Variants in GSN observed in about 807,000 individuals in gnomAD.
GSN encodes actin-depolymerizing factor.
In GSN, 56 loss-of-function variants were observed where a neutral mutation model predicts 85.7. The observed-to-expected ratio is 0.65, with a 90% confidence interval of 0.53 to 0.82. The LOEUF is 0.82. Among genes scored for constraint, GSN ranks in the 40% least tolerant of loss-of-function variants. GSN has a pLI of 0.00. For synonymous variants in GSN, 373 were observed against 399.1 expected (o/e 0.93, Z 0.78); for missense variants, 857 against 979.8 (o/e 0.87, Z 1.67).
At chr9:121,325,427 A>G (rs2063037666) in intron 12 of GSN, among the ~76,000 whole-genome samples, 1 of 152,066 alleles carries the variant, frequency 6.6e-6, no homozygotes, top group African/African-American at 2.4e-5. Flanking sequence ...AGCAAGGGGA[A>G]AATGCCATGA....
intron 2 of GSN, 151 bp downstream of exon 2, chr9:121,281,713 G>A (rs1472347664): frequency 6.4e-6 from 3 of 471,138 alleles, no homozygotes; most frequent in African/African-American, 2.0e-5. Flanking sequence ...AAGGCTCAGA[G>A]TGCGTCTCTG....
At chr9:121,279,181 C>T (rs933271296) in intron 1 of GSN, among the ~76,000 whole-genome samples, 3 of 152,158 alleles carry the variant, frequency 2.0e-5, no homozygotes, top group Admixed American at 6.5e-5. Flanking sequence ...GCCATTGCAT[C>T]TGGCTGGAGC....
intron 6 of GSN, among the ~76,000 whole-genome samples, chr9:121,248,767 A>C (rs1047456571): frequency 1.3e-5 from 2 of 151,420 alleles, no homozygotes; most frequent in Non-Finnish European, 2.9e-5. Context: ...TAGAAGACAC[A>C]CAAACATAGA....
At chr9:121,240,456 C>A (rs1280337377) in intron 5 of GSN, among the ~76,000 whole-genome samples, 1 of 152,204 alleles carries the variant, frequency 6.6e-6, no homozygotes, top group Non-Finnish European at 1.5e-5. Context: ...TGGGTGGCTC[C>A]TGGAACCAAA....
chr9:121,291,416 CT>C (rs10615868), intron 2 of GSN, among the ~76,000 whole-genome samples: 2,074 of 103,586 alleles, frequency 0.02, 38 homozygotes, highest in African/African-American at 0.071. Flanking sequence ...CCCCACTGGA[CT>C]TTTTTTTTTT....
chr9:121,215,305 AAGGTACC>A (rs1418936828), intron 4 of GSN, among the ~76,000 whole-genome samples: 2 of 151,604 alleles, frequency 1.3e-5, no homozygotes, highest in African/African-American at 4.8e-5. Context: ...ATCAGATTCA[AAGGTACC>A]AGGGGTTAGA....
chr9:121,305,595 A>G (rs964449465), intron 4 of GSN, among the ~76,000 whole-genome samples: 1 of 152,198 alleles, frequency 6.6e-6, no homozygotes, highest in Admixed American at 6.5e-5. Flanking sequence ...AGGCTCCCTG[A>G]TCTTTGATCC....
At chr9:121,247,340 T>G (rs1178476128) in intron 5 of GSN, among the ~76,000 whole-genome samples, 1 of 152,218 alleles carries the variant, frequency 6.6e-6, no homozygotes, top group Non-Finnish European at 1.5e-5. Context: ...CACTGCTGTC[T>G]GGCATTTGTC....
intron 3 of GSN, 85 bp downstream of exon 3, chr9:121,302,252 T>C: frequency 2.8e-6 from 4 of 1,443,644 alleles, no homozygotes; most frequent in Non-Finnish European, 2.9e-6. Context: ...GGGAGGGAAC[T>C]GATTATTGAG....
intron 5 of GSN, among the ~76,000 whole-genome samples, chr9:121,231,810 T>TA: frequency 6.6e-6 from 1 of 152,170 alleles, no homozygotes; most frequent in East Asian, 1.9e-4. Flanking sequence ...CCAGGTGCAG[T>TA]AGCTCACACC....
At chr9:121,275,450 G>A (rs2056550743) in intron 1 of GSN, among the ~76,000 whole-genome samples, 1 of 152,208 alleles carries the variant, frequency 6.6e-6, no homozygotes, top group African/African-American at 2.4e-5. Flanking sequence ...AAGGAAGCAG[G>A]TAGGGACAGA....
At chr9:121,314,463 AC>A (rs1244695224) in intron 7 of GSN, among the ~76,000 whole-genome samples, 1 of 152,202 alleles carries the variant, frequency 6.6e-6, no homozygotes, top group African/African-American at 2.4e-5. Flanking sequence ...TGTGATTTTC[AC>A]AACTGAATTC....
chr9:121,331,248 C>G (rs539951630), intron 16 of GSN, 140 bp from the exon 17 acceptor site: 231 of 664,320 alleles, frequency 3.5e-4, no homozygotes, highest in Non-Finnish European at 5.3e-4. Context: ...GTTCCAAATC[C>G]TTCCAGTCTT....
At chr9:121,274,077 C>T (rs1220962337) in intron 1 of GSN, among the ~76,000 whole-genome samples, 1 of 152,220 alleles carries the variant, frequency 6.6e-6, no homozygotes, top group Non-Finnish European at 1.5e-5. Flanking sequence ...CCCTACTTTG[C>T]TCCATAATTA....
chr9:121,301,858 G>T (rs758745137), intron 2 of GSN, 105 bp from the exon 3 acceptor site: 13 of 1,583,198 alleles, frequency 8.2e-6, no homozygotes, highest in Middle Eastern at 1.7e-4. Context: ...AGAGCAGGAG[G>T]CTCAAGTGAG....
chr9:121,228,403 C>CACATATATATATATATATATATATAT (rs1475020604), intron 4 of GSN, among the ~76,000 whole-genome samples: 1 of 63,196 alleles, frequency 1.6e-5, no homozygotes, highest in Non-Finnish European at 2.7e-5. Flanking sequence ...CATTGATTAA[C>CACATATATATATATATATATATATAT]ATATATATAT....
At position 121,315,739 on chromosome 9, in the gene GSN, C is replaced by T. The variant is rs545461504; in HGVS notation, c.754-1347C>T. Among the ~76,000 whole-genome samples the T allele has an allele frequency of 6.6e-5, 10 of 151,976 alleles. No individual in the cohort carries two copies. In the East Asian group the frequency reaches 9.7e-4, roughly 15 times the overall value. On this transcript the variant is annotated intron_variant, in intron 7 of 17. Coordinates refer to ENST00000432226, the MANE Select transcript of GSN (RefSeq NM_198252.3). ...TAGTGCCATTGCACTCCAGCCTGGG[C>T]GACAACAGTGAGACTCCGTCTCAAA...
chr9:121,294,674 A>AGGCC (rs1219348227), intron 2 of GSN, among the ~76,000 whole-genome samples: 1 of 152,234 alleles, frequency 6.6e-6, no homozygotes, highest in Non-Finnish European at 1.5e-5. Flanking sequence ...CCAAAGCAGA[A>AGGCC]GGCCAGCCAG....
chr9:121,275,172 C>T (rs1344931581), intron 1 of GSN, among the ~76,000 whole-genome samples: 1 of 152,214 alleles, frequency 6.6e-6, no homozygotes, highest in African/African-American at 2.4e-5. Flanking sequence ...TACACTTGCA[C>T]AATTCAGCAG....
Sources: gnomAD v4.1 joint callset for allele counts (sites outside exome capture counted in the v4.1 genomes callset) on GRCh38, gnomAD v4.1.1 for gene constraint, MANE v1.5 for transcripts, NCBI Gene and HGNC (gene_info 2026-07-23, HGNC 2026-07-21) for gene names.